Variants in PTPRN2 observed in about 807,000 individuals in gnomAD.
The protein encoded by PTPRN2 is protein tyrosine phosphatase receptor type N2.
Under a neutral mutation model 118.8 loss-of-function variants are expected in PTPRN2, and 74 were observed. That is an observed-to-expected ratio of 0.62 (90% CI 0.52 to 0.76). The LOEUF (loss-of-function observed/expected upper bound fraction) is 0.76. Ranked by LOEUF, PTPRN2 falls within the 30% of genes least tolerant of loss-of-function variation. The probability of loss-of-function intolerance (pLI) is 0.00; values close to 1 mark genes in which losing one functional copy is unlikely to be tolerated. For synonymous variants in PTPRN2, 641 were observed against 608.0 expected (o/e 1.05, Z -0.80); for missense variants, 1,481 against 1,394.4 (o/e 1.06, Z -0.99).
chr7:157,811,333 TA>T (rs202227957), intron 12 of PTPRN2, among the ~76,000 whole-genome samples: 1,138 of 5,084 alleles, frequency 0.22, 40 homozygotes, highest in Admixed American at 0.47. Flanking sequence ...TCTACTCTAT[TA>T]TATATATATA....
chr7:158,476,598 T>C (rs1264322571), intron 2 of PTPRN2, among the ~76,000 whole-genome samples: 1 of 152,212 alleles, frequency 6.6e-6, no homozygotes, highest in East Asian at 1.9e-4. Context: ...CCTCACCCTG[T>C]CTGTGCCGCC....
At chr7:157,880,209 A>G (rs59082984) in intron 12 of PTPRN2, among the ~76,000 whole-genome samples, 3,030 of 152,284 alleles carry the variant, frequency 0.02, 83 homozygotes, top group African/African-American at 0.069. Context: ...TCACTTAGAG[A>G]CGATCTGTAA....
chr7:158,277,488 C>A (rs1190891419), intron 3 of PTPRN2, among the ~76,000 whole-genome samples: 1 of 152,166 alleles, frequency 6.6e-6, no homozygotes, highest in South Asian at 2.1e-4. Flanking sequence ...AAACACTGAC[C>A]CCTGAAATCA....
intron 1 of PTPRN2, among the ~76,000 whole-genome samples, chr7:158,557,095 C>G (rs1257454975): frequency 7.0e-6 from 1 of 143,218 alleles, no homozygotes; most frequent in Non-Finnish European, 1.5e-5. Context: ...GGCTCCTGTG[C>G]AGGTCGCTCC....
chr7:158,182,317 G>T (rs1824783467), intron 5 of PTPRN2, among the ~76,000 whole-genome samples: 1 of 152,094 alleles, frequency 6.6e-6, no homozygotes, highest in Admixed American at 6.6e-5. Flanking sequence ...ATTGAGACTT[G>T]TTTTGTAGCC....
intron 11 of PTPRN2, among the ~76,000 whole-genome samples, chr7:157,952,363 G>A (rs909910414): frequency 4.7e-5 from 7 of 148,842 alleles, no homozygotes; most frequent in African/African-American, 9.8e-5. Context: ...GGAGACAGGC[G>A]AGGGTGGGAC....
intron 12 of PTPRN2, among the ~76,000 whole-genome samples, chr7:157,842,967 G>A (rs1808542899): frequency 6.6e-6 from 1 of 152,208 alleles, no homozygotes; most frequent in Admixed American, 6.5e-5. Flanking sequence ...CGCAGACACA[G>A]ATCCATTGGA....
At chr7:158,519,731 A>G (rs531119707) in intron 1 of PTPRN2, among the ~76,000 whole-genome samples, 2 of 152,206 alleles carry the variant, frequency 1.3e-5, no homozygotes, top group East Asian at 3.9e-4. Context: ...CCCATCATAT[A>G]AGGACTTTCT....
At chr7:157,651,123 C>T (rs1298101693) in intron 14 of PTPRN2, among the ~76,000 whole-genome samples, 7 of 152,230 alleles carry the variant, frequency 4.6e-5, no homozygotes, top group East Asian at 3.9e-4. Flanking sequence ...AGGTGCGGCG[C>T]GACTCCACAG....
chr7:158,530,818 C>T (rs951927431), intron 1 of PTPRN2, among the ~76,000 whole-genome samples: 4 of 152,252 alleles, frequency 2.6e-5, no homozygotes, highest in Middle Eastern at 3.4e-3. Context: ...TCCTGAGGGG[C>T]GAGGCAAGAG....
At chr7:157,563,796 A>C (rs1799342947) in intron 21 of PTPRN2, among the ~76,000 whole-genome samples, 3 of 142,236 alleles carry the variant, frequency 2.1e-5, no homozygotes, top group Admixed American at 7.0e-5. Flanking sequence ...CACCACACAC[A>C]GCAGATCAGG....
intron 2 of PTPRN2, among the ~76,000 whole-genome samples, chr7:158,468,961 C>G (rs1219072367): frequency 4.0e-5 from 6 of 151,802 alleles, no homozygotes; most frequent in South Asian, 2.1e-4. Context: ...ACACACACTC[C>G]GGGTGGATCA....
intron 5 of PTPRN2, among the ~76,000 whole-genome samples, chr7:158,175,170 A>T (rs1464916099): frequency 6.6e-6 from 1 of 152,222 alleles, no homozygotes; most frequent in Admixed American, 6.5e-5. Flanking sequence ...TTTTGACCAC[A>T]TAACACACGT....
chr7:158,396,777 C>T (rs529945575), intron 2 of PTPRN2, among the ~76,000 whole-genome samples: 1 of 152,356 alleles, frequency 6.6e-6, no homozygotes, highest in South Asian at 2.1e-4. Flanking sequence ...AGCGGTGACC[C>T]GCCTCGGGGT....
At chr7:158,327,505 A>T (rs1031569821) in intron 2 of PTPRN2, among the ~76,000 whole-genome samples, 3 of 151,710 alleles carry the variant, frequency 2.0e-5, no homozygotes, top group Non-Finnish European at 4.4e-5. Flanking sequence ...ACAAGTTCTC[A>T]CACACATGAA....
In PTPRN2 at chr7:158,145,020, C is replaced by T. The variant is rs192868665; in HGVS notation, c.911-6505G>A. On this transcript the variant is annotated intron_variant, in intron 6 of 22. Transcript: ENST00000389418. ...CGGCAAGACTTCCCTCACATCATCG[C>T]GAGAAGGTTCCAGAATACCACGGCT... Among the ~76,000 whole-genome samples the T allele has an allele frequency of 7.6e-3, 896 of 117,934 alleles. 9 individuals are homozygous for T. The highest frequency in any genetic ancestry group is 0.018 in the African/African-American group (532 of 29,700). The allele number at this position is 117,934 out of a possible 152,430, so 77.4% of individuals were successfully genotyped here.
chr7:158,410,832 C>G (rs55791391), intron 2 of PTPRN2, among the ~76,000 whole-genome samples: 2 of 8,470 alleles, frequency 2.4e-4, no homozygotes, highest in Admixed American at 2.8e-3. Context: ...GGTGGAGTCA[C>G]GGGTGGGAGG....
intron 12 of PTPRN2, among the ~76,000 whole-genome samples, chr7:157,800,625 A>G (rs1805207306): frequency 6.6e-6 from 1 of 151,972 alleles, no homozygotes; most frequent in Non-Finnish European, 1.5e-5. Context: ...TTATTAGAGA[A>G]AGAAAGAGGT....
chr7:158,261,589 C>T (rs997686628), intron 3 of PTPRN2, among the ~76,000 whole-genome samples: 1 of 152,132 alleles, frequency 6.6e-6, no homozygotes, highest in African/African-American at 2.4e-5. Context: ...TCCAGCCACC[C>T]ATCCTGAGCC....
Sources: gnomAD v4.1 joint callset for allele counts (sites outside exome capture counted in the v4.1 genomes callset) on GRCh38, gnomAD v4.1.1 for gene constraint, MANE v1.5 for transcripts, NCBI Gene and HGNC (gene_info 2026-07-23, HGNC 2026-07-21) for gene names.